IQGAP2: variants seen among roughly 807,000 people sequenced by gnomAD.
The protein encoded by IQGAP2 is IQ motif containing GTPase activating protein 2.
In IQGAP2, 173 loss-of-function variants were observed where a neutral mutation model predicts 201.3. The ratio of observed to expected loss-of-function variants is 0.86; its 90% confidence interval spans 0.76 to 0.98. The LOEUF is 0.98. Ranked by LOEUF, IQGAP2 falls within the 50% of genes least tolerant of loss-of-function variation. IQGAP2 has a pLI of 0.00. For missense variants in IQGAP2, 1,687 were observed against 1,864.8 expected (o/e 0.90, Z 1.76); for synonymous variants, 675 against 673.9 (o/e 1.00, Z -0.03).
chr5:76,676,715 G>A (rs1035046554), intron 27 of IQGAP2, among the ~76,000 whole-genome samples: 17 of 152,170 alleles, frequency 1.1e-4, no homozygotes, highest in Admixed American at 4.6e-4. Flanking sequence ...TTGCAGCAAC[G>A]AAGAAGAGTA....
rs1752624917 is a variant in IQGAP2 at position 76,652,832 on chromosome 5, A to G, written c.2177A>G (p.Lys726Arg). 3.2e-6 allele frequency: 5 copies of G among 1,570,294 alleles called. No homozygotes were observed. Among genetic ancestry groups the G allele is most frequent in the Non-Finnish European group, 4.4e-6 (5 of 1,139,730 alleles). The stretch of plus-strand genomic sequence containing the variant: ...ATTGATAATACTGATTCTATTGTGA[A>G]GGTAAATACCCTTTCCTACCATACC... ...TFIDNTDSIV[K>R]IQSWFRMATA... Residue 726 changes from lysine (K) to arginine (R), a missense_variant and splice_region_variant, in exon 18 of 36, where the codon AAG (lysine) becomes AGG (arginine). Physicochemically the swap from Lys to Arg is conservative, Grantham distance 26. Transcript: ENST00000274364.
chr5:76,645,880 T>A (rs1751998847), intron 17 of IQGAP2, among the ~76,000 whole-genome samples: 1 of 151,634 alleles, frequency 6.6e-6, no homozygotes, highest in African/African-American at 2.4e-5. Flanking sequence ...AATGCAGGAA[T>A]GATTCAATAT....
intron 5 of IQGAP2, among the ~76,000 whole-genome samples, 160 bp downstream of exon 5, chr5:76,575,929 C>T (rs1281406196): frequency 6.6e-6 from 1 of 152,088 alleles, no homozygotes; most frequent in Admixed American, 6.5e-5. Flanking sequence ...AAATAATGGT[C>T]ACATATAAGC....
intron 35 of IQGAP2, 67 bp downstream of exon 35, chr5:76,702,657 G>GCTCT: frequency 2.9e-6 from 2 of 697,378 alleles, no homozygotes; most frequent in Admixed American, 4.0e-5. Context: ...TGCTACCCTG[G>GCTCT]CTCTCTCTCT....
At chr5:76,601,721 C>G (rs1747441807) in intron 11 of IQGAP2, among the ~76,000 whole-genome samples, 1 of 152,104 alleles carries the variant, frequency 6.6e-6, no homozygotes, top group Non-Finnish European at 1.5e-5. Flanking sequence ...TGGAACGGCT[C>G]TAATAGGCAG....
intron 2 of IQGAP2, among the ~76,000 whole-genome samples, chr5:76,507,800 A>G (rs147757932): frequency 0.012 from 1,863 of 151,524 alleles, 45 homozygotes; most frequent in African/African-American, 0.044. Flanking sequence ...TCATAAGGTC[A>G]GGAGTTCAAG....
Position 76,451,189 on chromosome 5 carries a change from T to C in IQGAP2, c.47-10381T>C, listed in dbSNP as rs868036423. ...CTTTCTGGTGCCAAGCCATGGCTTG[T>C]TTCCACCTCCACCATCTGAAGTCAC... On this transcript the variant is annotated intron_variant, in intron 1 of 35. Transcript: ENST00000274364. Among the ~76,000 whole-genome samples the C allele has an allele frequency of 2.6e-5, 4 of 152,282 alleles. No individual in the cohort carries two copies. In the Middle Eastern group the frequency reaches 0.014, roughly 518 times the overall value.
intron 12 of IQGAP2, among the ~76,000 whole-genome samples, chr5:76,609,594 C>CT (rs1748096034): frequency 6.6e-6 from 1 of 151,880 alleles, no homozygotes; most frequent in Admixed American, 6.6e-5. Context: ...GCTGGAGATA[C>CT]TTTTTTTAAA....
At chr5:76,660,409 T>C (rs1019473466) in intron 21 of IQGAP2, 3 of 152,254 alleles carry the variant, frequency 2.0e-5, no homozygotes, top group African/African-American at 7.2e-5. Flanking sequence ...TTGTTTGACA[T>C]CCATGAGAAC....
At chr5:76,496,729 C>CT (rs1268116626) in intron 2 of IQGAP2, among the ~76,000 whole-genome samples, 31 of 31,664 alleles carry the variant, frequency 9.8e-4, no homozygotes, top group African/African-American at 3.5e-3. Context: ...TCTTTCTTTT[C>CT]TTTCTTTCTT....
rs776511510 is a variant in IQGAP2, at chr5:76,654,985, G to A, written c.2302G>A (p.Asp768Asn). Residue 768 changes from aspartate to asparagine, a missense_variant, in exon 20 of 36, where the codon GAT becomes AAT. Physicochemically the swap from Asp to Asn is conservative, Grantham distance 23 (BLOSUM62 1). Transcript: ENST00000274364. ...ACTGTTGAGAGCGAACAAAGCTAGA[G>A]ATGACTACAAAACATTGGGTAAGTG... is the stretch of plus-strand genomic sequence containing the variant. ...QSLLRANKARDDYKTLVGSEN... is the reference protein window; with the variant it reads ...QSLLRANKARNDYKTLVGSEN... 3 of 1,611,702 alleles carry A rather than the reference G, an allele frequency of 1.9e-6. No individual in the cohort carries two copies. The highest frequency in any genetic ancestry group is 1.3e-5 in the African/African-American group (1 of 74,870).
chr5:76,543,510 G>C (rs1362733683), intron 2 of IQGAP2, among the ~76,000 whole-genome samples: 1 of 152,196 alleles, frequency 6.6e-6, no homozygotes, highest in African/African-American at 2.4e-5. Context: ...AGGAGCTGTT[G>C]ATCATTTGCC....
intron 23 of IQGAP2, 55 bp downstream of exon 23, chr5:76,668,899 G>T: frequency 8.9e-7 from 1 of 1,118,560 alleles, no homozygotes; most frequent in Non-Finnish European, 1.3e-6. Flanking sequence ...TTTTGTTAGT[G>T]GTGGCTGTCT....
At chr5:76,664,963 G>T in intron 21 of IQGAP2, 63 bp from the exon 22 acceptor site, 1 of 928,798 alleles carries the variant, frequency 1.1e-6, no homozygotes, top group Non-Finnish European at 1.7e-6. Flanking sequence ...AATCCTATAT[G>T]TGAAGGGAGG....
chr5:76,428,590 C>T (rs1752147190), intron 1 of IQGAP2, among the ~76,000 whole-genome samples: 1 of 151,322 alleles, frequency 6.6e-6, no homozygotes, highest in Admixed American at 6.6e-5. Flanking sequence ...GCCACCACAC[C>T]CAGCTAATTT....
At chr5:76,611,669 T>C (rs565188029) in intron 13 of IQGAP2, among the ~76,000 whole-genome samples, 2 of 152,218 alleles carry the variant, frequency 1.3e-5, no homozygotes, top group Admixed American at 1.3e-4. Flanking sequence ...CACAGATTGA[T>C]TCACGGATGT....
At chr5:76,430,741 A>C (rs992161112) in intron 1 of IQGAP2, among the ~76,000 whole-genome samples, 8 of 152,206 alleles carry the variant, frequency 5.3e-5, no homozygotes, top group Middle Eastern at 3.2e-3. Flanking sequence ...TAATTCAATG[A>C]AAGATTAGCT....
intron 21 of IQGAP2, among the ~76,000 whole-genome samples, chr5:76,660,765 G>A (rs1743179596): frequency 6.6e-6 from 1 of 152,174 alleles, no homozygotes; most frequent in Non-Finnish European, 1.5e-5. Flanking sequence ...ATATGTAGCT[G>A]TTAGCCTTGT....
Position 76,590,517 on chromosome 5 carries a change from C to G in IQGAP2, c.750C>G (p.Asn250Lys). The stretch of plus-strand genomic sequence containing the variant: ...CGGTTTTAACTTTAGTGGATGACAA[C>G]CTTGCACCAGAATATCAGAAAGAAC... ...PNAVLTLVDD[N>K]LAPEYQKELW... is the part of the protein sequence containing the mutation. Residue 250 changes from asparagine to lysine, a missense_variant, in exon 8 of 36, where the codon AAC becomes AAG. Coordinates refer to ENST00000274364, the MANE Select transcript of IQGAP2 (RefSeq NM_006633.5). 1.2e-6 allele frequency: 2 copies of G among 1,613,706 alleles called. No homozygotes were observed. The highest frequency in any genetic ancestry group is 1.7e-6 in the Non-Finnish European group (2 of 1,179,802).
Sources: gnomAD v4.1 joint callset for allele counts (sites outside exome capture counted in the v4.1 genomes callset) on GRCh38, gnomAD v4.1.1 for gene constraint, MANE v1.5 for transcripts, NCBI Gene and HGNC (gene_info 2026-07-23, HGNC 2026-07-21) for gene names.